Variants in C12orf60 observed in about 807,000 individuals in gnomAD.
C12orf60 encodes the protein chromosome 12 open reading frame 60, also known as uncharacterized protein C12orf60.
For synonymous variants in C12orf60, 102 were observed against 94.6 expected (o/e 1.08, Z -0.45); for missense variants, 284 against 283.2 (o/e 1.00, Z -0.02).
chr12:14,817,159 T>C lies in C12orf60; in HGVS notation c.-24-5753T>C, dbSNP rs150620413. ...ATCAGCTAACCAAAAGTTACAAGAT[T>C]TTCTTCTGTATTTTCTTCTGTTTTA... is the stretch of plus-strand genomic sequence containing the variant. On this transcript the variant is annotated intron_variant, in intron 1 of 1. Coordinates refer to ENST00000330828, the MANE Select transcript of C12orf60 (RefSeq NM_175874.4). Among the ~76,000 whole-genome samples the C allele has an allele frequency of 7.0e-3, 1,068 of 152,256 alleles. 6 individuals carry two copies. The highest frequency in any genetic ancestry group is 0.012 in the South Asian group (57 of 4,824).
At chr12:14,810,597 A>C (rs778326540) in intron 1 of C12orf60, among the ~76,000 whole-genome samples, 2 of 152,230 alleles carry the variant, frequency 1.3e-5, no homozygotes, top group Non-Finnish European at 2.9e-5. Flanking sequence ...ACAAAATTAA[A>C]GGTACACTTG....
chr12:14,812,216 G>A (rs1236950550), intron 1 of C12orf60, among the ~76,000 whole-genome samples: 5 of 152,080 alleles, frequency 3.3e-5, no homozygotes, highest in Non-Finnish European at 7.4e-5. Context: ...AGGCCGAGGC[G>A]GGCGGATCAC....
chr12:14,818,181 T>C lies in C12orf60; in HGVS notation c.-24-4731T>C, dbSNP rs919892039. On this transcript the variant is annotated intron_variant, in intron 1 of 1. Coordinates refer to ENST00000330828, the MANE Select transcript of C12orf60 (RefSeq NM_175874.4). ...CTTTGCCCATTTTTTGATAGGGTTG[T>C]AAATTTGTTTAAGTTCCTTGTAAAT... is the stretch of plus-strand genomic sequence containing the variant. 4.6e-5 allele frequency among the ~76,000 whole-genome samples: 7 copies of C among 152,234 alleles called. No homozygotes were observed. The East Asian group carries it at 1.2e-3, about 25-fold the overall frequency.
intron 1 of C12orf60, among the ~76,000 whole-genome samples, chr12:14,804,118 G>A (rs35910310): frequency 0.073 from 11,140 of 152,198 alleles, 519 homozygotes; most frequent in Non-Finnish European, 0.1. Flanking sequence ...GAAGAAATAC[G>A]GGGATACATA....
Position 14,823,545 on chromosome 12 carries a change from A to G in C12orf60, c.610A>G (p.Thr204Ala). Reference sequence around the variant, plus strand: ...AAAAACTGAGGATTCCAAAAATCCCACAAAGTCAGCAGCAGATTTGTTGGA... The same window carrying G: ...AAAAACTGAGGATTCCAAAAATCCCGCAAAGTCAGCAGCAGATTTGTTGGA... ...VLKTEDSKNP[T>A]KSAADLLEQI... Residue 204 changes from threonine to alanine, a missense_variant, in exon 2 of 2, where the codon ACA becomes GCA. By Grantham distance (58) the Thr-to-Ala change is moderately conservative. Coordinates refer to ENST00000330828, the MANE Select transcript of C12orf60 (RefSeq NM_175874.4). The G allele has an allele frequency of 6.2e-7, 1 of 1,614,010 alleles. No homozygotes were observed. Among genetic ancestry groups the G allele is most frequent in the South Asian group, 1.1e-5 (1 of 91,026 alleles).
Position 14,822,960 on chromosome 12 carries a change from A to G in C12orf60, c.25A>G (p.Lys9Glu). 1 of 1,597,272 alleles carries G rather than the reference A, an allele frequency of 6.3e-7. No homozygotes were observed. MSSESEKDKERLIQAAKMF... is the reference protein window; with the variant it reads MSSESEKDEERLIQAAKMF... ...AATGTCTTCAGAGTCAGAAAAGGATAAAGAGAGACTGATTCAAGCTGCCAA... is the reference window on the plus strand; with the variant it reads ...AATGTCTTCAGAGTCAGAAAAGGATGAAGAGAGACTGATTCAAGCTGCCAA... Residue 9 changes from lysine (K) to glutamate (E), a missense_variant, in exon 2 of 2, where the codon AAA becomes GAA. Transcript: ENST00000330828.
chr12:14,810,633 TAAAC>T (rs1031770014), intron 1 of C12orf60, among the ~76,000 whole-genome samples: 1 of 152,248 alleles, frequency 6.6e-6, no homozygotes, highest in Non-Finnish European at 1.5e-5. Flanking sequence ...AAATTTGTTT[TAAAC>T]AACCCACACT....
chr12:14,807,257 TTCA>T (rs1239862659), intron 1 of C12orf60, among the ~76,000 whole-genome samples: 3 of 152,216 alleles, frequency 2.0e-5, no homozygotes, highest in East Asian at 1.9e-4. Context: ...GTGAGAAATA[TTCA>T]TCGTTTGTCA....
intron 1 of C12orf60, chr12:14,805,975 A>G (rs1007103786): frequency 2.4e-5 from 37 of 1,562,610 alleles, no homozygotes; most frequent in Non-Finnish European, 2.9e-5. Flanking sequence ...AAGCAGAAAA[A>G]CACTTCAGTG....
intron 1 of C12orf60, among the ~76,000 whole-genome samples, chr12:14,822,379 G>T (rs1950320169): frequency 6.6e-6 from 1 of 151,926 alleles, no homozygotes; most frequent in Admixed American, 6.6e-5. Context: ...CAAAAAGTCA[G>T]AGCTTCATTG....
chr12:14,811,441 T>C (rs761638654), intron 1 of C12orf60, among the ~76,000 whole-genome samples: 2 of 152,182 alleles, frequency 1.3e-5, no homozygotes, highest in Non-Finnish European at 2.9e-5. Context: ...AAAACAAAGT[T>C]TGGAAATTTT....
At chr12:14,821,382 G>A (rs1950302741) in intron 1 of C12orf60, among the ~76,000 whole-genome samples, 1 of 152,150 alleles carries the variant, frequency 6.6e-6, no homozygotes, top group African/African-American at 2.4e-5. Flanking sequence ...TGGGGGCTCT[G>A]AGGGAGAGTC....
Position 14,823,618 on chromosome 12 carries a change from C to T in C12orf60, c.683C>T (p.Ala228Val), listed in dbSNP as rs977514400. The part of the protein sequence containing the change: ...MGPILEILQK[A>V]IKTMEMNISV... ...CCAATCTTAGAGATCCTCCAAAAAG[C>T]GATAAAGACTATGGAAATGAATATT... The change falls in exon 2 of 2, where the codon GCG becomes GTG. Residue 228 changes from alanine to valine, a missense_variant. Transcript: ENST00000330828. 10 of 1,603,436 alleles carry T rather than the reference C, an allele frequency of 6.2e-6. No homozygotes were observed. The highest frequency in any genetic ancestry group is 1.1e-5 in the South Asian group (1 of 88,438).
At chr12:14,814,851 C>T (rs950836999) in intron 1 of C12orf60, among the ~76,000 whole-genome samples, 4 of 152,150 alleles carry the variant, frequency 2.6e-5, no homozygotes, top group Non-Finnish European at 5.9e-5. Flanking sequence ...TCACTCAGCC[C>T]CAGTGTAACT....
chr12:14,808,739 T>C (rs1950093276), intron 1 of C12orf60, among the ~76,000 whole-genome samples: 1 of 152,200 alleles, frequency 6.6e-6, no homozygotes. Flanking sequence ...TAAACTACCA[T>C]GGTCAGAAAT....
chr12:14,808,191 A>G (rs945964170), intron 1 of C12orf60, among the ~76,000 whole-genome samples: 2 of 152,092 alleles, frequency 1.3e-5, no homozygotes, highest in African/African-American at 4.8e-5. Context: ...CTGAGAGTAC[A>G]TCATAGAATG....
chr12:14,820,359 C>A (rs753444500), intron 1 of C12orf60, among the ~76,000 whole-genome samples: 1 of 151,750 alleles, frequency 6.6e-6, no homozygotes, highest in South Asian at 2.1e-4. Context: ...GATTTCTACT[C>A]TTTATTATTT....
intron 1 of C12orf60, among the ~76,000 whole-genome samples, chr12:14,812,391 C>T (rs1950154566): frequency 6.6e-6 from 1 of 152,164 alleles, no homozygotes; most frequent in Non-Finnish European, 1.5e-5. Context: ...TTGCAGTGAG[C>T]CGAGATTGTG....
chr12:14,816,425 G>T (rs1950219670), intron 1 of C12orf60, among the ~76,000 whole-genome samples: 3 of 151,318 alleles, frequency 2.0e-5, no homozygotes, highest in Admixed American at 2.0e-4. Context: ...TCAACAATTT[G>T]CCAGCACTTA....
Sources: allele counts gnomAD v4.1 joint callset (sites outside exome capture counted in the v4.1 genomes callset), GRCh38; gene constraint gnomAD v4.1.1; transcripts MANE v1.5; gene names NCBI Gene and HGNC (gene_info 2026-07-23, HGNC 2026-07-21).